FIP1L1: variants seen among roughly 807,000 people sequenced by gnomAD.
The protein encoded by FIP1L1 is factor interacting with PAPOLA and CPSF1, also known as pre-mRNA 3'-end-processing factor FIP1.
FIP1L1 carries 21 observed loss-of-function variants against 84.6 expected under a neutral mutation model. The observed-to-expected ratio is 0.25, with a 90% confidence interval of 0.18 to 0.36. The LOEUF (loss-of-function observed/expected upper bound fraction) is 0.36. FIP1L1 is among the 10% of genes least tolerant of loss of function. FIP1L1 has a pLI of 1.00. For synonymous variants in FIP1L1, 263 were observed against 242.3 expected, an observed-to-expected ratio of 1.09 and a Z score of -0.80; for missense variants, 526 against 751.1, an observed-to-expected ratio of 0.70 and a Z score of 3.50.
intron 14 of FIP1L1, 35 bp from the exon 15 acceptor site, chr4:53,444,003 AACTTATTTGT>A: frequency 3.6e-6 from 5 of 1,384,274 alleles, no homozygotes; most frequent in Non-Finnish European, 5.1e-6. Flanking sequence ...TAAAATTCAG[AACTTATTTGT>A]ACCAGACATA....
At chr4:53,402,984 G>T (rs898749168) in intron 10 of FIP1L1, among the ~76,000 whole-genome samples, 1 of 152,072 alleles carries the variant, frequency 6.6e-6, no homozygotes, top group African/African-American at 2.4e-5. Flanking sequence ...CATTTTTCCC[G>T]GCAAAATAAT....
chr4:53,402,559 G>A (rs1750846140), intron 10 of FIP1L1, among the ~76,000 whole-genome samples: 1 of 152,102 alleles, frequency 6.6e-6, no homozygotes, highest in South Asian at 2.1e-4. Context: ...AAAATTAGCT[G>A]GGCATTGCGA....
intron 13 of FIP1L1, 29 bp from the exon 14 acceptor site, chr4:53,442,624 A>ATTT (rs765271818): frequency 6.5e-7 from 1 of 1,545,426 alleles, no homozygotes; most frequent in Non-Finnish European, 8.9e-7. Flanking sequence ...CATTGTTAAC[A>ATTT]TTTTTTATCT....
intron 10 of FIP1L1, among the ~76,000 whole-genome samples, chr4:53,404,474 G>A (rs1330385980): frequency 1.1e-4 from 17 of 152,198 alleles, no homozygotes; most frequent in African/African-American, 4.1e-4. Flanking sequence ...ATAGACATAC[G>A]TGTGCATGTG....
chr4:53,400,452 A>T (rs1749642810), intron 10 of FIP1L1, among the ~76,000 whole-genome samples: 2 of 152,232 alleles, frequency 1.3e-5, no homozygotes, highest in African/African-American at 4.8e-5. Context: ...GGCTAAGACT[A>T]GCGAAGTTTG....
At chr4:53,412,092 G>A (rs1331178282) in intron 10 of FIP1L1, among the ~76,000 whole-genome samples, 1 of 151,904 alleles carries the variant, frequency 6.6e-6, no homozygotes, top group Non-Finnish European at 1.5e-5. Flanking sequence ...GCAAAAAAAA[G>A]TACAAATAAC....
At chr4:53,452,176 C>G (rs1163441723) in intron 15 of FIP1L1, among the ~76,000 whole-genome samples, 1 of 152,134 alleles carries the variant, frequency 6.6e-6, no homozygotes, top group African/African-American at 2.4e-5. Context: ...GCCACTGCAC[C>G]TGGCATGATA....
At chr4:53,435,386 G>A (rs1768671717) in intron 13 of FIP1L1, among the ~76,000 whole-genome samples, 1 of 152,024 alleles carries the variant, frequency 6.6e-6, no homozygotes, top group African/African-American at 2.4e-5. Context: ...TTTAATTTGT[G>A]CCTTCTGCTT....
chr4:53,435,427 A>G (rs1449833357), intron 13 of FIP1L1, among the ~76,000 whole-genome samples: 4 of 152,174 alleles, frequency 2.6e-5, no homozygotes, highest in Non-Finnish European at 4.4e-5. Flanking sequence ...TCATGATTAT[A>G]TGGAAGCTGG....
intron 15 of FIP1L1, among the ~76,000 whole-genome samples, chr4:53,452,380 A>G (rs1465422743): frequency 2.0e-5 from 3 of 151,188 alleles, no homozygotes; most frequent in Non-Finnish European, 4.4e-5. Flanking sequence ...GTGCAGTGAC[A>G]TGATCTCTGT....
Position 53,382,323 on chromosome 4 carries a change from T to C in FIP1L1, c.216T>C (p.Gly72=). ...SGIEDETAEN[G]VPKPKVTETE... is the part of the protein sequence containing the mutation. ...TTGAAGATGAAACTGCTGAAAATGG[T>C]GTACCAAAACCGGTAACATAAGGCT... Residue 72 remains glycine, a synonymous_variant, in exon 4 of 18, where the codon GGT becomes GGC. Transcript: ENST00000337488. The C allele has an allele frequency of 1.2e-6, 2 of 1,613,518 alleles. No homozygotes were observed. The highest frequency in any genetic ancestry group is 2.2e-5 in the East Asian group (1 of 44,842).
chr4:53,416,526 C>T (rs1251077118), intron 11 of FIP1L1, among the ~76,000 whole-genome samples: 2 of 152,196 alleles, frequency 1.3e-5, no homozygotes, highest in Non-Finnish European at 2.9e-5. Context: ...ACAATGGAAA[C>T]TAGTCCTTAG....
chr4:53,460,805 T>A lies in FIP1L1; in HGVS notation c.*1356T>A. 8.6e-7 allele frequency: 1 copy of A among 1,157,172 alleles called. No homozygotes were observed. The highest frequency in any genetic ancestry group is 1.2e-6 in the Non-Finnish European group (1 of 812,262). The allele number at this position is 1,157,172 out of a possible 1,614,324, so 71.7% of individuals were successfully genotyped here. A position where few individuals can be genotyped will look rare whatever the true frequency, so the allele number is the denominator to read the frequency against. On this transcript the variant is annotated 3_prime_UTR_variant, in exon 18 of 18. Transcript: ENST00000337488. Reference sequence around the variant, plus strand: ...CATACTTTTCCTGACATTTTTACAATGTATTCTTTCTTTAAATATAAAAAC... The same window carrying A: ...CATACTTTTCCTGACATTTTTACAAAGTATTCTTTCTTTAAATATAAAAAC...
At chr4:53,403,836 A>G (rs754433370) in intron 10 of FIP1L1, among the ~76,000 whole-genome samples, 4 of 151,948 alleles carry the variant, frequency 2.6e-5, no homozygotes, top group Non-Finnish European at 5.9e-5. Context: ...CATACTTCTT[A>G]GATGAAGTGG....
intron 13 of FIP1L1, among the ~76,000 whole-genome samples, chr4:53,437,237 AG>A (rs1408700266): frequency 7.5e-4 from 100 of 132,820 alleles, no homozygotes; most frequent in African/African-American, 2.7e-3. Context: ...CTGAGGTGGG[AG>A]GATTGCTTTG....
At chr4:53,379,360 A>T in intron 3 of FIP1L1, 96 bp downstream of exon 3, 1 of 1,029,816 alleles carries the variant, frequency 9.7e-7, no homozygotes, top group South Asian at 1.6e-5. Context: ...CATTGGCTTC[A>T]TTACAACACT....
At chr4:53,407,830 T>TG (rs1226886963) in intron 10 of FIP1L1, among the ~76,000 whole-genome samples, 1 of 152,198 alleles carries the variant, frequency 6.6e-6, no homozygotes, top group African/African-American at 2.4e-5. Context: ...TGCCTTTTTT[T>TG]GTTTTGCATT....
At chr4:53,410,305 A>G (rs1341554468) in intron 10 of FIP1L1, among the ~76,000 whole-genome samples, 3 of 152,184 alleles carry the variant, frequency 2.0e-5, no homozygotes, top group African/African-American at 7.2e-5. Flanking sequence ...ATTTGCTTCA[A>G]ATGCCTAACA....
Position 53,414,538 on chromosome 4 carries a change from GAA to G in FIP1L1, c.816-65_816-64del, listed in dbSNP as rs10719406. The G allele has an allele frequency of 8.2e-3, 6,006 of 730,904 alleles. 3 individuals are homozygous for G. The highest frequency in any genetic ancestry group is 0.01 in the African/African-American group (538 of 52,456). The allele number at this position is 730,904 out of a possible 1,614,324, so 45.3% of individuals were successfully genotyped here. A position where few individuals can be genotyped will look rare whatever the true frequency, so the allele number is the denominator to read the frequency against. Reference sequence around the variant, plus strand: ...AAAGACTTTAGAAAAAGCATGTCAAGAAAAAAAAAAAAACAGAACAAGGGGGG... The same window carrying G: ...AAAGACTTTAGAAAAAGCATGTCAAGAAAAAAAAAAACAGAACAAGGGGGG... On this transcript the variant is annotated intron_variant, in intron 10 of 17. Transcript: ENST00000337488.
Sources: gnomAD v4.1 joint callset for allele counts (sites outside exome capture counted in the v4.1 genomes callset) on GRCh38, gnomAD v4.1.1 for gene constraint, MANE v1.5 for transcripts, NCBI Gene and HGNC (gene_info 2026-07-23, HGNC 2026-07-21) for gene names.